Variants in PDPK1 observed in about 807,000 individuals in gnomAD.
The protein encoded by PDPK1 is 3-phosphoinositide-dependent protein kinase 1.
In PDPK1, 7 loss-of-function variants were observed where a neutral mutation model predicts 39.8. The ratio of observed to expected loss-of-function variants is 0.18; its 90% CI spans 0.10 to 0.33. The LOEUF is 0.33. Ranked by LOEUF, PDPK1 falls within the 10% of genes least tolerant of loss-of-function variation. PDPK1 has a pLI of 1.00. For missense variants in PDPK1, 182 were observed against 384.7 expected (o/e 0.47, Z 4.41); for synonymous variants, 118 against 159.1 (o/e 0.74, Z 1.95).
At chr16:2,547,008 T>C (rs1444102008) in intron 1 of PDPK1, among the ~76,000 whole-genome samples, 1 of 149,104 alleles carries the variant, frequency 6.7e-6, no homozygotes, top group Admixed American at 6.6e-5. Context: ...CGTGTGCCAG[T>C]GCTGGCTGGC....
At chr16:2,588,336 A>C (rs888571140) in intron 11 of PDPK1, among the ~76,000 whole-genome samples, 1 of 152,154 alleles carries the variant, frequency 6.6e-6, no homozygotes, top group African/African-American at 2.4e-5. Context: ...CGCAGCTCCA[A>C]GCAGCAAGGA....
intron 1 of PDPK1, chr16:2,539,270 G>C (rs2066198940): frequency 6.4e-6 from 1 of 155,414 alleles, no homozygotes. Flanking sequence ...AGTAGAGAAG[G>C]TGTTTCGCCA....
At chr16:2,577,115 C>A in intron 6 of PDPK1, 1 of 513,922 alleles carries the variant, frequency 1.9e-6, no homozygotes, top group East Asian at 4.5e-5. Flanking sequence ...TACCCCAGGT[C>A]CTGCAGTGAG....
intron 1 of PDPK1, among the ~76,000 whole-genome samples, chr16:2,546,771 G>T (rs1374288833): frequency 1.3e-5 from 2 of 152,140 alleles, no homozygotes; most frequent in Non-Finnish European, 2.9e-5. Context: ...AAGGTGTCCT[G>T]TGGCGGCAAA....
intron 1 of PDPK1, among the ~76,000 whole-genome samples, chr16:2,540,802 T>G (rs2066230625): frequency 6.6e-6 from 1 of 152,168 alleles, no homozygotes; most frequent in South Asian, 2.1e-4. Flanking sequence ...AAATCCTCCC[T>G]TTGGAACAAA....
At position 2,589,112 on chromosome 16, in the gene PDPK1, C is replaced by T. The variant is rs1036199840; in HGVS notation, c.1343+2219C>T. Among the ~76,000 whole-genome samples the T allele has an allele frequency of 2.6e-5, 4 of 152,198 alleles. No homozygotes were observed. In the East Asian group the frequency reaches 5.8e-4, roughly 22 times the overall value. On this transcript the variant is annotated intron_variant, in intron 11 of 13. Coordinates refer to ENST00000342085, the MANE Select transcript of PDPK1 (RefSeq NM_002613.5). ...CTGGGATTACAGGCACATGCCACCA[C>T]GTCCAGCTAATTTTTGTATTTTTAG...
chr16:2,590,883 A>G (rs2066975813), intron 11 of PDPK1, among the ~76,000 whole-genome samples: 1 of 152,080 alleles, frequency 6.6e-6, no homozygotes, highest in Non-Finnish European at 1.5e-5. Flanking sequence ...GCTGGGCTGA[A>G]GCATTCCTCT....
intron 1 of PDPK1, among the ~76,000 whole-genome samples, chr16:2,546,274 G>C (rs1356927090): frequency 6.6e-6 from 1 of 151,282 alleles, no homozygotes; most frequent in African/African-American, 2.4e-5. Flanking sequence ...AGTAGAGACG[G>C]GGTTTCACCA....
At position 2,538,082 on chromosome 16, in the gene PDPK1, C is replaced by G; in HGVS notation, c.-31C>G. ...GGAGGCGCCGAGCCGCGCAGCGCTG[C>G]GGGGGAGGCGCCCGCGCCGACGCGG... is the stretch of plus-strand genomic sequence containing the variant. On this transcript the variant is annotated 5_prime_UTR_variant, in exon 1 of 14. Transcript: ENST00000342085. 1 of 988,282 alleles carries G rather than the reference C, an allele frequency of 1.0e-6. No individual in the cohort carries two copies. The highest frequency in any genetic ancestry group is 1.2e-6 in the Non-Finnish European group (1 of 824,976). 61.2% of individuals were successfully genotyped at this position (988,282 alleles called of 1,614,324 possible). A position where few individuals can be genotyped will look rare whatever the true frequency, so the allele number is the denominator to read the frequency against.
chr16:2,577,897 T>C (rs2066747561), intron 7 of PDPK1, among the ~76,000 whole-genome samples: 1 of 148,496 alleles, frequency 6.7e-6, no homozygotes, highest in Admixed American at 6.7e-5. Flanking sequence ...CGCCACCACG[T>C]CCAGCTGATT....
At position 2,599,855 on chromosome 16, in the gene PDPK1, C is replaced by G; in HGVS notation, c.*2088C>G. On this transcript the variant is annotated 3_prime_UTR_variant, in exon 14 of 14. Coordinates refer to ENST00000342085, the MANE Select transcript of PDPK1 (RefSeq NM_002613.5). ...TTAATTGGAGCACTCGGCTGGGCTG[C>G]TTGGGGAGACTCTTCCGTGCGTTCT... 2 of 233,860 alleles carry G rather than the reference C, an allele frequency of 8.6e-6. No individual in the cohort carries two copies. The highest frequency in any genetic ancestry group is 4.4e-5 in the African/African-American group (2 of 45,500). The allele number at this position is 233,860 out of a possible 1,614,324, so 14.5% of individuals were successfully genotyped here. A position where few individuals can be genotyped will look rare whatever the true frequency, so the allele number is the denominator to read the frequency against.
At chr16:2,591,056 A>G (rs1020648032) in intron 11 of PDPK1, among the ~76,000 whole-genome samples, 2 of 150,056 alleles carry the variant, frequency 1.3e-5, no homozygotes, top group South Asian at 2.1e-4. Flanking sequence ...TCCGCCTCCC[A>G]GGTTCAAGCA....
At position 2,597,237 on chromosome 16, in the gene PDPK1, C is replaced by T; in HGVS notation, c.1516C>T (p.Pro506Ser). 1.3e-6 allele frequency: 2 copies of T among 1,596,394 alleles called. No homozygotes were observed. Among genetic ancestry groups the T allele is most frequent in the Non-Finnish European group, 8.6e-7 (1 of 1,165,684 alleles). ...AATTCCTTGGTCACAAGAACTTCGA[C>T]CAGAGGCCAAGAATTTTAAAACTTT... ...GEIPWSQELR[P>S]EAKNFKTFFV... The change falls in exon 13 of 14, where the codon CCA becomes TCA. Residue 506 changes from proline to serine, a missense_variant. By Grantham distance (74) the Pro-to-Ser change is moderately conservative. Around this residue, in one of 5 missense-constraint regions of PDPK1, gnomAD observed 67 missense variants for 87.8 expected, o/e 0.76. Coordinates refer to ENST00000342085, the MANE Select transcript of PDPK1 (RefSeq NM_002613.5). This position sits in a 1 kb window ranked among gnomAD's most constrained non-coding sequence, Gnocchi z 6.3.
chr16:2,580,500 G>A (rs1292489951), intron 7 of PDPK1, among the ~76,000 whole-genome samples: 4 of 129,954 alleles, frequency 3.1e-5, no homozygotes, highest in African/African-American at 1.2e-4. Flanking sequence ...TACGCCCTTG[G>A]TACATGTGTT....
intron 1 of PDPK1, among the ~76,000 whole-genome samples, chr16:2,552,482 G>C (rs568362155): frequency 7.4e-4 from 112 of 151,458 alleles, no homozygotes; most frequent in African/African-American, 1.7e-3. Context: ...GGCTCGGGCT[G>C]GGGCTGGCTG....
At chr16:2,585,698 C>T (rs2066856997) in intron 10 of PDPK1, among the ~76,000 whole-genome samples, 1 of 152,210 alleles carries the variant, frequency 6.6e-6, no homozygotes, top group Non-Finnish European at 1.5e-5. Flanking sequence ...CGGGCGTTTC[C>T]ACCATGCCCG....
At chr16:2,540,425 G>GAGCT (rs1293031664) in intron 1 of PDPK1, among the ~76,000 whole-genome samples, 1 of 152,198 alleles carries the variant, frequency 6.6e-6, no homozygotes. Context: ...TGCAGAAGCT[G>GAGCT]AGCTGCAGAG....
intron 7 of PDPK1, chr16:2,579,340 C>G (rs2066775435): frequency 1.0e-5 from 1 of 95,574 alleles, no homozygotes; most frequent in Admixed American, 1.2e-4. Context: ...GTCGTCGCCA[C>G]CTAAGAGCTA....
At chr16:2,586,127 A>G (rs2066870109) in intron 10 of PDPK1, among the ~76,000 whole-genome samples, 2 of 152,244 alleles carry the variant, frequency 1.3e-5, no homozygotes, top group Admixed American at 1.3e-4. Context: ...CGTTATCTAC[A>G]GTAAGTTTAG....
Sources: allele counts gnomAD v4.1 joint callset (sites outside exome capture counted in the v4.1 genomes callset), GRCh38; gene constraint gnomAD v4.1.1; regional missense constraint gnomAD v4.1.1; non-coding constraint Gnocchi (gnomAD v3.1); transcripts MANE v1.5; gene names NCBI Gene and HGNC (gene_info 2026-07-23, HGNC 2026-07-21).